Variants in NCOA1 observed in about 807,000 individuals in gnomAD.
NCOA1 encodes nuclear receptor coactivator 1, also known as Hin-2 protein.
Under a neutral mutation model 150.9 loss-of-function variants are expected in NCOA1, and 35 were observed. The observed-to-expected ratio is 0.23, with a 90% CI of 0.18 to 0.31. The LOEUF (loss-of-function observed/expected upper bound fraction) is 0.31, where lower values mean the gene tolerates loss of function less well. Ranked by LOEUF, NCOA1 falls within the 10% of genes least tolerant of loss-of-function variation. The pLI, the probability that NCOA1 is intolerant of heterozygous loss-of-function variation, is 1.00. For missense variants in NCOA1, 1,491 were observed against 1,749.3 expected, an observed-to-expected ratio of 0.85 and a Z score of 2.63; for synonymous variants, 590 against 630.0, an observed-to-expected ratio of 0.94 and a Z score of 0.95.
Position 24,639,912 on chromosome 2 carries a change from GTGTGTATATATATATATA to G in NCOA1, c.-174-4052_-174-4035del, listed in dbSNP as rs1427020445. 6.5e-3 allele frequency among the ~76,000 whole-genome samples: 619 copies of G among 95,958 alleles called. 64 individuals are homozygous for G. Among genetic ancestry groups the G allele is most frequent in the East Asian group, 0.019 (77 of 3,978 alleles). 63.0% of individuals were successfully genotyped at this position (95,958 alleles called of 152,430 possible). On this transcript the variant is annotated intron_variant, in intron 3 of 22. Transcript: ENST00000348332. ...CAAAAAAAAAAAAAAAAGTATGTGT[GTGTGTATATATATATATA>G]TATATATATATATATATATATATAT...
intron 14 of NCOA1, chr2:24,711,563 T>C: frequency 6.6e-6 from 1 of 152,360 alleles, no homozygotes; most frequent in Middle Eastern, 3.2e-3. Flanking sequence ...TGAGAAGCCT[T>C]GTATTAAAGA....
At position 24,681,950 on chromosome 2, in the gene NCOA1, G is replaced by A. The variant is rs1048264163; in HGVS notation, c.355-1001G>A. On this transcript the variant is annotated intron_variant, in intron 7 of 22. Transcript: ENST00000348332. ...AGGATGGTCTCCATCTCTTGACCTC[G>A]TGATCCACCCGCCTCAGCCTCCCAA... Among the ~76,000 whole-genome samples the A allele has an allele frequency of 2.0e-5, 3 of 152,030 alleles. No homozygotes were observed. The East Asian group carries it at 5.8e-4, about 29-fold the overall frequency.
At chr2:24,520,007 C>G (rs935432127) in intron 1 of NCOA1, among the ~76,000 whole-genome samples, 1 of 152,048 alleles carries the variant, frequency 6.6e-6, no homozygotes. Flanking sequence ...ATGAACACAT[C>G]AAAAGATAAT....
Position 24,707,904 on chromosome 2 carries a change from C to A in NCOA1, c.2418+16C>A. On this transcript the variant is annotated intron_variant, in intron 13 of 22. Coordinates refer to ENST00000348332, the MANE Select transcript of NCOA1 (RefSeq NM_003743.5). The stretch of plus-strand genomic sequence containing the variant: ...CCAGAGCCAGGTGGGTAACTGCTTG[C>A]TTCACAGAATGGTCATTCTTAGTAA... The A allele has an allele frequency of 6.4e-7, 1 of 1,568,750 alleles. No individual in the cohort carries two copies. The highest frequency in any genetic ancestry group is 8.6e-7 in the Non-Finnish European group (1 of 1,165,198).
intron 1 of NCOA1, among the ~76,000 whole-genome samples, chr2:24,562,858 A>G (rs73920094): frequency 0.01 from 1,551 of 152,276 alleles, 35 homozygotes; most frequent in African/African-American, 0.035. Flanking sequence ...CATCCAAGGG[A>G]ATGAGTCTGG....
chr2:24,645,044 G>A (rs1171369992), intron 4 of NCOA1, among the ~76,000 whole-genome samples: 1 of 152,094 alleles, frequency 6.6e-6, no homozygotes, highest in African/African-American at 2.4e-5. Context: ...GTAAAATTTA[G>A]TTGGCCAACA....
chr2:24,755,767 A>C (rs1191711101), intron 20 of NCOA1, among the ~76,000 whole-genome samples: 1 of 152,252 alleles, frequency 6.6e-6, no homozygotes, highest in Non-Finnish European at 1.5e-5. Context: ...ACAGTCCCAA[A>C]TATTAATTTG....
intron 2 of NCOA1, among the ~76,000 whole-genome samples, chr2:24,580,876 G>A (rs1434062706): frequency 6.6e-6 from 1 of 152,092 alleles, no homozygotes; most frequent in Non-Finnish European, 1.5e-5. Flanking sequence ...GACATTTTTA[G>A]TATTACATGC....
intron 11 of NCOA1, among the ~76,000 whole-genome samples, chr2:24,700,936 C>T (rs1010467984): frequency 2.6e-5 from 4 of 152,152 alleles, no homozygotes; most frequent in Admixed American, 6.5e-5. Context: ...TATGGGTAAT[C>T]CCACTTTAGG....
intron 4 of NCOA1, among the ~76,000 whole-genome samples, chr2:24,645,251 G>T (rs986471148): frequency 6.6e-6 from 1 of 151,674 alleles, no homozygotes; most frequent in African/African-American, 2.4e-5. Flanking sequence ...CAGCACTTTG[G>T]GATGCTGAGA....
intron 17 of NCOA1, among the ~76,000 whole-genome samples, chr2:24,733,183 A>G (rs938659909): frequency 1.3e-5 from 2 of 152,218 alleles, no homozygotes; most frequent in Non-Finnish European, 2.9e-5. Context: ...GTTTAAATAT[A>G]TTGTTTAAAG....
At position 24,706,786 on chromosome 2, in the gene NCOA1, G is replaced by A. The variant is rs541708132; in HGVS notation, c.1316G>A (p.Gly439Glu). The change falls in exon 13 of 23, where the codon GGA (glycine) becomes GAA (glutamate). Residue 439 changes from glycine to glutamate, a missense_variant. By Grantham distance (98) the Gly-to-Glu change is moderately conservative (BLOSUM62 -2). Coordinates refer to ENST00000348332, the MANE Select transcript of NCOA1 (RefSeq NM_003743.5). ...CATAGTAATTCTAGCAACAGCCAAG[G>A]AAGTTTCGGATGCTCACCCGGAAGT... is the stretch of plus-strand genomic sequence containing the variant. ...SSHSNSSNSQ[G>E]SFGCSPGSQI... The A allele has an allele frequency of 3.1e-6, 5 of 1,614,168 alleles. No homozygotes were observed. The highest frequency in any genetic ancestry group is 1.3e-5 in the African/African-American group (1 of 75,032).
chr2:24,634,955 G>C (rs993542297), intron 3 of NCOA1, among the ~76,000 whole-genome samples: 1 of 152,052 alleles, frequency 6.6e-6, no homozygotes, highest in Non-Finnish European at 1.5e-5. Context: ...GGCCTCAAGT[G>C]ATCTTCCTGC....
At position 24,729,748 on chromosome 2, in the gene NCOA1, A is replaced by G. The variant is rs145281447; in HGVS notation, c.3134A>G (p.Asn1045Ser). The G allele has an allele frequency of 1.9e-6, 3 of 1,614,118 alleles. No individual in the cohort carries two copies. The highest frequency in any genetic ancestry group is 1.3e-5 in the African/African-American group (1 of 75,016). The change falls in exon 17 of 23, where the codon AAC becomes AGC. Residue 1045 changes from asparagine (N) to serine (S), a missense_variant. Physicochemically the swap from Asn to Ser is conservative, Grantham distance 46. Transcript: ENST00000348332. Reference protein sequence around the residue: ...GMGMQPRQTLNRPPAAPNQLR... With the variant: ...GMGMQPRQTLSRPPAAPNQLR... Reference sequence around the variant, plus strand: ...GGCATGCAGCCCAGGCAAACTCTAAACAGACCTCCGGCTGCACCTAACCAG... The same window carrying G: ...GGCATGCAGCCCAGGCAAACTCTAAGCAGACCTCCGGCTGCACCTAACCAG...
At chr2:24,767,543 A>G (rs1381893126) in intron 22 of NCOA1, among the ~76,000 whole-genome samples, 1 of 152,210 alleles carries the variant, frequency 6.6e-6, no homozygotes, top group Non-Finnish European at 1.5e-5. Context: ...GAAAATTCAC[A>G]CTGTTCTCAA....
chr2:24,667,624 T>C (rs1671490364), intron 6 of NCOA1, among the ~76,000 whole-genome samples: 1 of 152,162 alleles, frequency 6.6e-6, no homozygotes. Context: ...AAATGAAATA[T>C]TCAAAAGAAG....
intron 8 of NCOA1, 50 bp from the exon 9 acceptor site, chr2:24,691,431 T>G (rs948588707): frequency 3.2e-6 from 5 of 1,552,486 alleles, no homozygotes; most frequent in Non-Finnish European, 8.8e-7. Context: ...CTTCAGAGTT[T>G]GTGCTTTTTC....
At chr2:24,660,018 C>T (rs1182584195) in intron 5 of NCOA1, among the ~76,000 whole-genome samples, 1 of 152,076 alleles carries the variant, frequency 6.6e-6, no homozygotes, top group African/African-American at 2.4e-5. Flanking sequence ...AGGAGAATGC[C>T]AGGGCTCCAG....
At chr2:24,521,949 G>A (rs1425672237) in intron 1 of NCOA1, among the ~76,000 whole-genome samples, 1 of 151,994 alleles carries the variant, frequency 6.6e-6, no homozygotes, top group Non-Finnish European at 1.5e-5. Context: ...ATCCTGTCTA[G>A]TATCCTCATC....
Sources: allele counts gnomAD v4.1 joint callset (sites outside exome capture counted in the v4.1 genomes callset), GRCh38; gene constraint gnomAD v4.1.1; transcripts MANE v1.5; gene names NCBI Gene and HGNC (gene_info 2026-07-23, HGNC 2026-07-21).